Variants in UNC5C observed in about 807,000 individuals in gnomAD.
The protein encoded by UNC5C is unc-5 netrin receptor C.
Under a neutral mutation model 99.8 loss-of-function variants are expected in UNC5C, and 47 were observed. That is an observed-to-expected ratio of 0.47 (90% CI 0.37 to 0.60). The LOEUF (loss-of-function observed/expected upper bound fraction) is 0.60, where lower values mean the gene tolerates loss of function less well. UNC5C is among the 20% of genes least tolerant of loss of function. UNC5C has a pLI of 0.00. For synonymous variants in UNC5C, 487 were observed against 452.2 expected, an observed-to-expected ratio of 1.08 and a Z score of -0.98; for missense variants, 1,062 against 1,165.9, an observed-to-expected ratio of 0.91 and a Z score of 1.30.
chr4:95,284,569 G>A (rs1416307390), intron 3 of UNC5C, among the ~76,000 whole-genome samples: 1 of 152,108 alleles, frequency 6.6e-6, no homozygotes, highest in African/African-American at 2.4e-5. Context: ...CTACAGGTGT[G>A]AGTAAGAGTT....
intron 1 of UNC5C, among the ~76,000 whole-genome samples, chr4:95,495,775 TA>T (rs1721614266): frequency 6.6e-6 from 1 of 151,696 alleles, no homozygotes; most frequent in South Asian, 2.1e-4. Flanking sequence ...ATCCTCATTT[TA>T]AAATTATGAA....
intron 2 of UNC5C, among the ~76,000 whole-genome samples, chr4:95,311,199 A>G (rs1048374456): frequency 3.3e-5 from 5 of 152,330 alleles, no homozygotes; most frequent in South Asian, 2.1e-4. Context: ...AAAATCTTTC[A>G]AATGTGTGCA....
intron 12 of UNC5C, among the ~76,000 whole-genome samples, chr4:95,188,737 A>T (rs890599454): frequency 6.6e-6 from 1 of 152,198 alleles, no homozygotes; most frequent in Non-Finnish European, 1.5e-5. Context: ...TTACAGTTCA[A>T]TGTTTTCCTC....
intron 1 of UNC5C, among the ~76,000 whole-genome samples, chr4:95,507,785 T>A (rs1721963674): frequency 6.6e-6 from 1 of 152,038 alleles, no homozygotes; most frequent in African/African-American, 2.4e-5. Flanking sequence ...TCTTCCCCTA[T>A]GACTGTTTCT....
chr4:95,483,481 C>T (rs1228125384), intron 1 of UNC5C, among the ~76,000 whole-genome samples: 1 of 151,800 alleles, frequency 6.6e-6, no homozygotes, highest in Admixed American at 6.6e-5. Flanking sequence ...AAATGTACTA[C>T]AATTTTTGTA....
chr4:95,530,811 C>T (rs6846096), intron 1 of UNC5C, among the ~76,000 whole-genome samples: 35,736 of 152,010 alleles, frequency 0.24, 4,497 homozygotes, highest in African/African-American at 0.32. Flanking sequence ...AAAACTGCTG[C>T]TGAAAGGTGC....
chr4:95,491,848 AAATATC>A (rs1374703918), intron 1 of UNC5C, among the ~76,000 whole-genome samples: 1 of 151,606 alleles, frequency 6.6e-6, no homozygotes, highest in African/African-American at 2.4e-5. Context: ...AATTCCATTT[AAATATC>A]AATATGTGTC....
intron 1 of UNC5C, among the ~76,000 whole-genome samples, chr4:95,406,677 C>T (rs894292846): frequency 6.6e-6 from 1 of 152,206 alleles, no homozygotes; most frequent in Non-Finnish European, 1.5e-5. Flanking sequence ...AACGTTTACT[C>T]ATTCTTTATT....
At chr4:95,479,156 A>G (rs186254931) in intron 1 of UNC5C, among the ~76,000 whole-genome samples, 163 of 152,170 alleles carry the variant, frequency 1.1e-3, no homozygotes, top group African/African-American at 3.5e-3. Context: ...CTACCTTTAG[A>G]AATTGCATGC....
chr4:95,361,540 C>T (rs1010150867), intron 1 of UNC5C, among the ~76,000 whole-genome samples: 1 of 152,164 alleles, frequency 6.6e-6, no homozygotes, highest in South Asian at 2.1e-4. Context: ...AAAGTGTCTC[C>T]TGTGAGTGTG....
At chr4:95,276,772 A>G (rs1222472699) in intron 4 of UNC5C, among the ~76,000 whole-genome samples, 1 of 152,200 alleles carries the variant, frequency 6.6e-6, no homozygotes, top group East Asian at 1.9e-4. Flanking sequence ...ATGCTGTTGA[A>G]TGAAATAGCT....
At chr4:95,306,982 T>C (rs1434433277) in intron 2 of UNC5C, among the ~76,000 whole-genome samples, 7 of 152,230 alleles carry the variant, frequency 4.6e-5, no homozygotes, top group Non-Finnish European at 8.8e-5. Context: ...ATTTAAAATA[T>C]GAAACATATC....
intron 2 of UNC5C, among the ~76,000 whole-genome samples, chr4:95,334,037 C>A (rs767460673): frequency 1.3e-5 from 2 of 151,978 alleles, no homozygotes; most frequent in South Asian, 2.1e-4. Context: ...CATCAGCTTG[C>A]ATTCAGTGAG....
intron 1 of UNC5C, among the ~76,000 whole-genome samples, chr4:95,376,771 T>C (rs986655728): frequency 5.9e-5 from 9 of 152,238 alleles, no homozygotes; most frequent in Admixed American, 3.3e-4. Flanking sequence ...TTGTGTATAA[T>C]GAATACACTC....
At chr4:95,252,489 T>C (rs1003127119) in intron 4 of UNC5C, among the ~76,000 whole-genome samples, 4 of 152,150 alleles carry the variant, frequency 2.6e-5, no homozygotes, top group African/African-American at 9.7e-5. Context: ...ACTTCCCCAT[T>C]AGCCCCATTA....
intron 3 of UNC5C, among the ~76,000 whole-genome samples, chr4:95,291,069 C>T (rs935762984): frequency 4.6e-5 from 7 of 152,052 alleles, no homozygotes; most frequent in African/African-American, 1.7e-4. Flanking sequence ...AGGACAAACA[C>T]ATTTGTATTC....
rs1560730194 is a variant in UNC5C at position 95,202,602 on chromosome 4, T to C, written c.2136+129A>G. The C allele has an allele frequency of 4.6e-6, 4 of 866,676 alleles. No individual in the cohort carries two copies. The East Asian group carries it at 1.1e-4, about 23-fold the overall frequency. 53.7% of individuals were successfully genotyped at this position (866,676 alleles called of 1,614,324 possible). A position where few individuals can be genotyped will look rare whatever the true frequency, so the allele number is the denominator to read the frequency against. ...ATGTCTATCTTTTTTAAGTGCATCC[T>C]TTTGGGCCAAACACGTGTCCACACA... On this transcript the variant is annotated intron_variant, in intron 12 of 15. Coordinates refer to ENST00000453304, the MANE Select transcript of UNC5C (RefSeq NM_003728.4).
intron 1 of UNC5C, among the ~76,000 whole-genome samples, chr4:95,505,261 G>A (rs1721883890): frequency 1.3e-5 from 2 of 152,078 alleles, no homozygotes; most frequent in South Asian, 4.1e-4. Context: ...AGGCAAACAA[G>A]AGGCCAATTC....
intron 1 of UNC5C, among the ~76,000 whole-genome samples, chr4:95,513,984 T>C (rs1024609959): frequency 6.6e-5 from 10 of 152,204 alleles, no homozygotes; most frequent in Non-Finnish European, 1.5e-4. Flanking sequence ...TGCTACCCCA[T>C]GATCTGGGCA....
Sources: gnomAD v4.1 joint callset for allele counts (sites outside exome capture counted in the v4.1 genomes callset) on GRCh38, gnomAD v4.1.1 for gene constraint, MANE v1.5 for transcripts, NCBI Gene and HGNC (gene_info 2026-07-23, HGNC 2026-07-21) for gene names.